SDK1: variants seen among roughly 807,000 people sequenced by gnomAD.
The protein encoded by SDK1 is protein sidekick-1.
SDK1 carries 157 observed loss-of-function variants against 245.5 expected under a neutral mutation model. The observed-to-expected ratio is 0.64, with a 90% CI of 0.56 to 0.73. SDK1 has a LOEUF of 0.73. Among genes scored for constraint, SDK1 ranks in the 30% least tolerant of loss-of-function variants. The pLI, the probability that SDK1 is intolerant of heterozygous loss-of-function variation, is 0.00. For missense variants in SDK1, 3,583 were observed against 3,002.3 expected (o/e 1.19, Z -4.52); for synonymous variants, 1,647 against 1,278.5 (o/e 1.29, Z -6.15).
chr7:3,536,242 G>A (rs2341026), intron 1 of SDK1, among the ~76,000 whole-genome samples: 38,929 of 149,654 alleles, frequency 0.26, 5,268 homozygotes, highest in East Asian at 0.33. Flanking sequence ...TTGTGTGTGT[G>A]TTTTTACTAG....
rs542778702 is a variant in SDK1, at chr7:4,267,451, C to T, written c.*2067C>T. 11 of 985,464 alleles carry T rather than the reference C, an allele frequency of 1.1e-5. No homozygotes were observed. In the South Asian group the frequency reaches 4.7e-4, roughly 42 times the overall value. The allele number at this position is 985,464 out of a possible 1,614,324, so 61.0% of individuals were successfully genotyped here. On this transcript the variant is annotated 3_prime_UTR_variant, in exon 45 of 45. Transcript: ENST00000404826. ...CATGAGAATCGCAACCCACAGTTCC[C>T]CGGATGAGACTCACCACAGTGGACA...
At chr7:4,048,531 C>T (rs534545036) in intron 17 of SDK1, among the ~76,000 whole-genome samples, 2 of 152,056 alleles carry the variant, frequency 1.3e-5, no homozygotes, top group South Asian at 4.2e-4. Context: ...TCGCCAGGCT[C>T]CTTGGCAACA....
At chr7:4,049,521 G>T (rs139225334) in intron 18 of SDK1, 58 bp downstream of exon 18, 1 of 1,326,766 alleles carries the variant, frequency 7.5e-7, no homozygotes, top group South Asian at 1.2e-5. Flanking sequence ...GCCACAGCGC[G>T]ACGCAGCTGG....
At chr7:3,533,708 C>T (rs1053786128) in intron 1 of SDK1, among the ~76,000 whole-genome samples, 1 of 152,034 alleles carries the variant, frequency 6.6e-6, no homozygotes, top group African/African-American at 2.4e-5. Flanking sequence ...TTGCTAGTTT[C>T]CTGTTGAATT....
At chr7:4,188,938 C>G (rs552500938) in intron 35 of SDK1, among the ~76,000 whole-genome samples, 1 of 152,286 alleles carries the variant, frequency 6.6e-6, no homozygotes, top group East Asian at 1.9e-4. Context: ...CTAAAGCTTT[C>G]ATTTACATCA....
At chr7:3,420,920 G>A (rs549012020) in intron 1 of SDK1, among the ~76,000 whole-genome samples, 1 of 152,110 alleles carries the variant, frequency 6.6e-6, no homozygotes, top group Admixed American at 6.6e-5. Flanking sequence ...ACACCTCCCT[G>A]ATAGGCCCCA....
chr7:3,785,565 G>A (rs773818749), intron 4 of SDK1, among the ~76,000 whole-genome samples: 1 of 152,092 alleles, frequency 6.6e-6, no homozygotes, highest in Non-Finnish European at 1.5e-5. Flanking sequence ...CAAAATATAA[G>A]AAAACATTAC....
intron 44 of SDK1, among the ~76,000 whole-genome samples, chr7:4,255,792 T>C (rs1787584020): frequency 6.6e-6 from 1 of 152,042 alleles, no homozygotes; most frequent in Non-Finnish European, 1.5e-5. Context: ...GGGAATTGGA[T>C]AGGGAGAGCA....
At chr7:3,344,039 A>G (rs1780428081) in intron 1 of SDK1, among the ~76,000 whole-genome samples, 1 of 150,246 alleles carries the variant, frequency 6.7e-6, no homozygotes, top group Admixed American at 6.6e-5. Context: ...AAAAAAAACT[A>G]GAAATGCATG....
intron 1 of SDK1, among the ~76,000 whole-genome samples, chr7:3,600,143 C>T (rs1443341206): frequency 6.6e-6 from 1 of 152,144 alleles, no homozygotes; most frequent in African/African-American, 2.4e-5. Flanking sequence ...GTCATAATTT[C>T]TAAAGTTTAT....
chr7:4,167,696 A>C (rs1227570879), intron 32 of SDK1, among the ~76,000 whole-genome samples: 2 of 152,262 alleles, frequency 1.3e-5, no homozygotes, highest in Non-Finnish European at 2.9e-5. Context: ...AACATGAACA[A>C]GACCCGAACA....
intron 1 of SDK1, among the ~76,000 whole-genome samples, chr7:3,390,097 G>A (rs1016817187): frequency 6.6e-6 from 1 of 152,136 alleles, no homozygotes; most frequent in Non-Finnish European, 1.5e-5. Context: ...TGGCTATTTA[G>A]GAGGAGATTT....
intron 5 of SDK1, among the ~76,000 whole-genome samples, chr7:3,851,744 G>A (rs559022971): frequency 6.6e-6 from 1 of 152,326 alleles, no homozygotes; most frequent in African/African-American, 2.4e-5. Flanking sequence ...AAATGAGGTT[G>A]AACCCAGAAG....
intron 5 of SDK1, among the ~76,000 whole-genome samples, chr7:3,897,748 TGTG>T (rs1781650999): frequency 1.2e-5 from 1 of 83,920 alleles, no homozygotes; most frequent in African/African-American, 9.0e-5. Context: ...TTTACAGCTG[TGTG>T]TGTGTGTGTG....
At chr7:4,074,146 G>A (rs1221373648) in intron 20 of SDK1, among the ~76,000 whole-genome samples, 1 of 152,124 alleles carries the variant, frequency 6.6e-6, no homozygotes, top group Non-Finnish European at 1.5e-5. Flanking sequence ...TGGGCAGGCT[G>A]ATAAGAACAG....
intron 4 of SDK1, among the ~76,000 whole-genome samples, chr7:3,715,496 C>G (rs1296392376): frequency 2.0e-5 from 3 of 152,216 alleles, no homozygotes; most frequent in Admixed American, 2.0e-4. Context: ...CCTGGTGATG[C>G]AGGGAAGCCC....
At chr7:3,583,312 C>G (rs991894585) in intron 1 of SDK1, among the ~76,000 whole-genome samples, 3 of 152,160 alleles carry the variant, frequency 2.0e-5, no homozygotes, top group African/African-American at 7.2e-5. Flanking sequence ...ATTTTCAGTG[C>G]ATTATGTTAC....
chr7:3,828,290 T>C (rs528480801), intron 5 of SDK1, among the ~76,000 whole-genome samples: 1 of 151,798 alleles, frequency 6.6e-6, no homozygotes, highest in Non-Finnish European at 1.5e-5. Flanking sequence ...ACAAAAATAA[T>C]AATAATAAAT....
intron 1 of SDK1, among the ~76,000 whole-genome samples, chr7:3,601,898 A>G (rs551090934): frequency 3.0e-4 from 43 of 145,502 alleles, no homozygotes; most frequent in African/African-American, 7.5e-4. Flanking sequence ...TCATTGTTCA[A>G]TTCCCACCTA....
Sources: allele counts gnomAD v4.1 joint callset (sites outside exome capture counted in the v4.1 genomes callset), GRCh38; gene constraint gnomAD v4.1.1; transcripts MANE v1.5; gene names NCBI Gene and HGNC (gene_info 2026-07-23, HGNC 2026-07-21).